RAB40B: variants seen among roughly 807,000 people sequenced by gnomAD.
RAB40B encodes RAB40B, member RAS oncogene family.
Under a neutral mutation model 24.0 loss-of-function variants are expected in RAB40B, and 21 were observed. The ratio of observed to expected loss-of-function variants is 0.88; its 90% confidence interval spans 0.62 to 1.26. The LOEUF (loss-of-function observed/expected upper bound fraction) is 1.26. Among genes scored for constraint, RAB40B ranks in the 50% most tolerant of loss-of-function variants. RAB40B has a pLI of 0.00. For missense variants in RAB40B, 348 were observed against 390.5 expected (o/e 0.89, Z 0.92); for synonymous variants, 167 against 169.8 (o/e 0.98, Z 0.13).
In RAB40B at chr17:82,698,459, C is replaced by A; in HGVS notation, c.138G>T (p.Pro46=). 1 of 1,465,236 alleles carries A rather than the reference C, an allele frequency of 6.8e-7. No individual in the cohort carries two copies. The allele number at this position is 1,465,236 out of a possible 1,614,324, so 90.8% of individuals were successfully genotyped here. Residue 46 remains proline (P), a synonymous_variant, in exon 1 of 6, where the codon CCG becomes CCT. Transcript: ENST00000571995. The part of the protein sequence containing the change: ...DGAAESPYGH[P]AGIDYKTTTI... ...ACGCCCTCCGCCCGCGCTCACCCGC[C>A]GGGTGGCCGTACGGGGACTCGGCCG...
At chr17:82,684,220 C>CA (rs34778953) in intron 1 of RAB40B, among the ~76,000 whole-genome samples, 28,942 of 120,262 alleles carry the variant, frequency 0.24, 3,717 homozygotes, top group South Asian at 0.31. Flanking sequence ...GACTCTGTCT[C>CA]AAAAAAAAAA....
At chr17:82,664,895 G>A (rs913783137) in intron 1 of RAB40B, 53 of 238,832 alleles carry the variant, frequency 2.2e-4, no homozygotes, top group Middle Eastern at 1.5e-3. Context: ...GTGTGCCCCC[G>A]TCTGGGCTGG....
At chr17:82,670,823 G>A (rs1442408339) in intron 1 of RAB40B, among the ~76,000 whole-genome samples, 1 of 151,936 alleles carries the variant, frequency 6.6e-6, no homozygotes, top group Non-Finnish European at 1.5e-5. Context: ...GTGAGGTACC[G>A]CGCCCGGCTT....
At position 82,689,922 on chromosome 17, in the gene RAB40B, G is replaced by A. The variant is rs150472881; in HGVS notation, c.142+8533C>T. Among the ~76,000 whole-genome samples, 198 of 149,494 alleles carry A rather than the reference G, an allele frequency of 1.3e-3. 2 individuals are homozygous for A. The highest frequency in any genetic ancestry group is 4.7e-3 in the African/African-American group (190 of 40,494). The stretch of plus-strand genomic sequence containing the variant: ...GCGGAGGTTGCAGTGAACCGAGATC[G>A]TGCCACTGCACTCCAGCCTGGGTGA... On this transcript the variant is annotated intron_variant, in intron 1 of 5. Coordinates refer to ENST00000571995, the MANE Select transcript of RAB40B (RefSeq NM_006822.3).
intron 1 of RAB40B, among the ~76,000 whole-genome samples, chr17:82,688,308 A>G (rs1321775789): frequency 6.6e-6 from 1 of 150,662 alleles, no homozygotes; most frequent in African/African-American, 2.4e-5. Flanking sequence ...CCTGGCCCTC[A>G]TGACCACTTT....
At chr17:82,665,240 G>A (rs2046240269) in intron 1 of RAB40B, among the ~76,000 whole-genome samples, 1 of 142,410 alleles carries the variant, frequency 7.0e-6, no homozygotes, top group Non-Finnish European at 1.5e-5. Flanking sequence ...AAAAAAACCC[G>A]AGAATGCCTT....
intron 2 of RAB40B, chr17:82,662,483 G>A (rs544743100): frequency 5.1e-6 from 5 of 984,724 alleles, no homozygotes; most frequent in African/African-American, 3.5e-5. Flanking sequence ...CCCTGAAGGA[G>A]CAGAGCAGAG....
intron 1 of RAB40B, among the ~76,000 whole-genome samples, chr17:82,668,079 A>C (rs1293640542): frequency 1.3e-5 from 2 of 152,126 alleles, no homozygotes; most frequent in East Asian, 3.9e-4. Flanking sequence ...AGCTTTACTG[A>C]GTGTTAGAAC....
At position 82,663,233 on chromosome 17, in the gene RAB40B, T is replaced by C. The variant is rs575312936; in HGVS notation, c.203+1263A>G. Among the ~76,000 whole-genome samples, 17 of 150,976 alleles carry C rather than the reference T, an allele frequency of 1.1e-4. No individual in the cohort carries two copies. In the East Asian group the frequency reaches 2.0e-3, roughly 18 times the overall value. ...CAGGCTCCCCAGGACTGGCCACTAC[T>C]AGACGGGGCAGGCGTAGGAAGGGGA... On this transcript the variant is annotated intron_variant, in intron 2 of 5. Transcript: ENST00000571995. This position sits in a 1 kb window ranked among gnomAD's most constrained non-coding sequence, Gnocchi z 6.2.
At chr17:82,666,096 C>T (rs1013717151) in intron 1 of RAB40B, among the ~76,000 whole-genome samples, 1 of 151,776 alleles carries the variant, frequency 6.6e-6, no homozygotes, top group Non-Finnish European at 1.5e-5. Context: ...GCCACCGCAC[C>T]TGCCACCACA....
chr17:82,681,020 C>CAAAAAAAAAAAAAAAAAAAAAAAAAAA (rs201799464), intron 1 of RAB40B, among the ~76,000 whole-genome samples: 1 of 93,956 alleles, frequency 1.1e-5, no homozygotes, highest in Non-Finnish European at 2.0e-5. Context: ...GACTCCATCT[C>CAAAAAAAAAAAAAAAAAAAAAAAAAAA]AAAAAAAAAA....
chr17:82,690,361 G>A (rs145205570), intron 1 of RAB40B, among the ~76,000 whole-genome samples: 2 of 150,366 alleles, frequency 1.3e-5, no homozygotes, highest in Non-Finnish European at 3.0e-5. Context: ...CGTGTGTCCA[G>A]GGGGAGATCT....
intron 1 of RAB40B, among the ~76,000 whole-genome samples, chr17:82,695,177 C>G (rs1358441555): frequency 2.1e-5 from 3 of 142,912 alleles, no homozygotes; most frequent in African/African-American, 8.7e-5. Context: ...ACGCCCTCAT[C>G]TTTCTTTCTT....
chr17:82,668,296 C>T (rs1213610618), intron 1 of RAB40B: 1 of 154,386 alleles, frequency 6.5e-6, no homozygotes, highest in Non-Finnish European at 1.5e-5. Flanking sequence ...GCATGCACAT[C>T]CCCCCTCTGA....
chr17:82,684,746 C>A (rs1246463533), intron 1 of RAB40B, among the ~76,000 whole-genome samples: 1 of 152,172 alleles, frequency 6.6e-6, no homozygotes, highest in African/African-American at 2.4e-5. Flanking sequence ...TACAAAGAGG[C>A]TGCGGAAACT....
Position 82,662,234 on chromosome 17 carries a change from C to T in RAB40B, c.204-1187G>A. The T allele has an allele frequency of 5.1e-6, 5 of 985,474 alleles. No individual in the cohort carries two copies. In the South Asian group the frequency reaches 1.9e-4, roughly 37 times the overall value. The allele number at this position is 985,474 out of a possible 1,614,324, so 61.0% of individuals were successfully genotyped here. On this transcript the variant is annotated intron_variant, in intron 2 of 5. Coordinates refer to ENST00000571995, the MANE Select transcript of RAB40B (RefSeq NM_006822.3). ...TGCCAAAGCCTAGGAGTGAGTGCCTCATTTCCTGAGAAGCAAATTGATCTA... is the reference window on the plus strand; with the variant it reads ...TGCCAAAGCCTAGGAGTGAGTGCCTTATTTCCTGAGAAGCAAATTGATCTA...
In RAB40B at chr17:82,656,677, C is replaced by G. The variant is rs1598289497; in HGVS notation, c.*1186G>C. ...GTGTATTAGCTCCGATATGTGATGT[C>G]TACACCAGGCAGTGGCGCAGTGAAG... On this transcript the variant is annotated 3_prime_UTR_variant, in exon 6 of 6. Coordinates refer to ENST00000571995, the MANE Select transcript of RAB40B (RefSeq NM_006822.3). 1.3e-5 allele frequency: 2 copies of G among 152,372 alleles called. No homozygotes were observed. Among genetic ancestry groups the G allele is most frequent in the East Asian group, 3.9e-4 (2 of 5,190 alleles). The allele number at this position is 152,372 out of a possible 1,614,324, so 9.4% of individuals were successfully genotyped here.
intron 1 of RAB40B, among the ~76,000 whole-genome samples, chr17:82,676,722 G>T (rs2143516133): frequency 6.6e-6 from 1 of 152,108 alleles, no homozygotes. Context: ...CCGCCTCCTG[G>T]ATTCAAGCGA....
chr17:82,687,597 G>A (rs896037630), intron 1 of RAB40B, among the ~76,000 whole-genome samples: 16 of 152,174 alleles, frequency 1.1e-4, no homozygotes, highest in Admixed American at 3.3e-4. Context: ...CCCAAGATCT[G>A]TTACAATGGC....
Sources: gnomAD v4.1 joint callset for allele counts (sites outside exome capture counted in the v4.1 genomes callset) on GRCh38, gnomAD v4.1.1 for gene constraint, Gnocchi (gnomAD v3.1) non-coding constraint, MANE v1.5 for transcripts, NCBI Gene and HGNC (gene_info 2026-07-23, HGNC 2026-07-21) for gene names.